The following RNFT2 variants were observed in gnomAD, a reference collection of about 807,000 sequenced individuals.
RNFT2 encodes E3 ubiquitin-protein ligase RNFT2.
A neutral mutation model predicts 53.0 loss-of-function variants in RNFT2; 36 were observed. The observed-to-expected ratio is 0.68, with a 90% CI of 0.52 to 0.90. RNFT2 has a LOEUF of 0.90. RNFT2 is among the 40% of genes least tolerant of loss of function. The pLI is 0.00. For synonymous variants in RNFT2, 260 were observed against 253.2 expected (o/e 1.03, Z -0.26); for missense variants, 514 against 585.6 (o/e 0.88, Z 1.26).
At chr12:116,750,420 C>A in intron 4 of RNFT2, 113 bp downstream of exon 4, 1 of 993,062 alleles carries the variant, frequency 1.0e-6, no homozygotes. Context: ...CAGAGACCAA[C>A]ATGGGCTTCA....
At chr12:116,748,455 G>A (rs552029550) in intron 3 of RNFT2, among the ~76,000 whole-genome samples, 23 of 152,266 alleles carry the variant, frequency 1.5e-4, no homozygotes, top group South Asian at 4.1e-4. Context: ...CAGTTCCCAC[G>A]TATTGAGAAC....
intron 7 of RNFT2, among the ~76,000 whole-genome samples, chr12:116,810,854 C>A (rs987752039): frequency 6.6e-6 from 1 of 152,160 alleles, no homozygotes; most frequent in African/African-American, 2.4e-5. Flanking sequence ...TCCATATTTC[C>A]CCCAGATGTT....
At chr12:116,765,971 G>C (rs1872895581) in intron 5 of RNFT2, among the ~76,000 whole-genome samples, 1 of 152,104 alleles carries the variant, frequency 6.6e-6, no homozygotes, top group African/African-American at 2.4e-5. Flanking sequence ...ATATGAATCT[G>C]TACCAGACTG....
Position 116,749,961 on chromosome 12 carries a change from C to T in RNFT2, c.204C>T (p.Pro68=). Residue 68 remains proline, a synonymous_variant, in exon 4 of 11, where the codon CCC becomes CCT. Transcript: ENST00000257575. ...TCTCGGGCTTATCAGGCAGCCTCCC[C>T]ACCAGCTCGTTCCCCTCCAGCCTGG... The part of the protein sequence containing the change: ...ALFSGLSGSL[P]TSSFPSSLVL... 1 of 1,564,440 alleles carries T rather than the reference C, an allele frequency of 6.4e-7. No homozygotes were observed. Among genetic ancestry groups the T allele is most frequent in the Non-Finnish European group, 8.7e-7 (1 of 1,154,340 alleles).
chr12:116,847,427 G>A (rs866272883), intron 10 of RNFT2, among the ~76,000 whole-genome samples: 4 of 152,096 alleles, frequency 2.6e-5, no homozygotes, highest in Middle Eastern at 3.2e-3. Flanking sequence ...TTACAGATGG[G>A]GGAACTGAGG....
At chr12:116,836,119 C>G (rs1876953215) in intron 9 of RNFT2, 62 bp from the exon 10 acceptor site, 1 of 1,590,500 alleles carries the variant, frequency 6.3e-7, no homozygotes. Flanking sequence ...TCTCACAGTG[C>G]TCCTGAGGGC....
At chr12:116,800,044 G>T (rs1253744302) in intron 7 of RNFT2, among the ~76,000 whole-genome samples, 2 of 152,136 alleles carry the variant, frequency 1.3e-5, no homozygotes, top group African/African-American at 4.8e-5. Flanking sequence ...CATCTCTTTT[G>T]CTTGCTCTCT....
At chr12:116,832,986 C>G (rs1197226057) in intron 7 of RNFT2, among the ~76,000 whole-genome samples, 1 of 131,898 alleles carries the variant, frequency 7.6e-6, no homozygotes, top group Non-Finnish European at 1.5e-5. Context: ...GATATCTTGG[C>G]TAACTGCAAC....
intron 10 of RNFT2, among the ~76,000 whole-genome samples, chr12:116,848,292 T>C (rs1040597287): frequency 2.0e-5 from 3 of 152,200 alleles, no homozygotes; most frequent in Non-Finnish European, 4.4e-5. Flanking sequence ...TTGTGAATAG[T>C]GCTGCAGTGA....
chr12:116,741,700 G>T (rs1241208253), intron 3 of RNFT2, among the ~76,000 whole-genome samples: 1 of 152,136 alleles, frequency 6.6e-6, no homozygotes, highest in African/African-American at 2.4e-5. Context: ...ACCCAGGCTG[G>T]AGTGCAGTGG....
intron 5 of RNFT2, 86 bp from the exon 6 acceptor site, chr12:116,766,728 T>G (rs1335935022): frequency 1.9e-6 from 2 of 1,025,640 alleles, no homozygotes; most frequent in Non-Finnish European, 2.9e-6. Context: ...GTTGACAAAG[T>G]GAAAAGCTGC....
chr12:116,784,749 C>A (rs1873857111), intron 7 of RNFT2, among the ~76,000 whole-genome samples: 1 of 152,154 alleles, frequency 6.6e-6, no homozygotes, highest in African/African-American at 2.4e-5. Flanking sequence ...ATTTTGCCTC[C>A]CCAGTGACGT....
chr12:116,852,503 T>A lies in RNFT2; in HGVS notation c.*3055T>A, dbSNP rs546139562. The A allele has an allele frequency of 5.9e-6, 9 of 1,516,744 alleles. No homozygotes were observed. In the African/African-American group the frequency reaches 1.1e-4, roughly 19 times the overall value. The allele number at this position is 1,516,744 out of a possible 1,614,324, so 94.0% of individuals were successfully genotyped here. ...CCATGATGTTACAATCCCACTTGCC[T>A]GAATAATCAAGTGGGAAGGGGAAGC... On this transcript the variant is annotated 3_prime_UTR_variant, in exon 11 of 11. Coordinates refer to ENST00000257575, the MANE Select transcript of RNFT2 (RefSeq NM_001382266.1).
At chr12:116,795,762 G>C (rs1874474535) in intron 7 of RNFT2, among the ~76,000 whole-genome samples, 1 of 152,168 alleles carries the variant, frequency 6.6e-6, no homozygotes, top group Non-Finnish European at 1.5e-5. Flanking sequence ...CAAGTCCCCT[G>C]TTCAGGGAGA....
intron 7 of RNFT2, among the ~76,000 whole-genome samples, chr12:116,784,870 T>C (rs1049069971): frequency 6.6e-6 from 1 of 152,138 alleles, no homozygotes; most frequent in Non-Finnish European, 1.5e-5. Context: ...CACTTCATTC[T>C]TTTCCCTGCC....
chr12:116,848,406 A>T (rs1190597160), intron 10 of RNFT2, among the ~76,000 whole-genome samples: 1 of 152,070 alleles, frequency 6.6e-6, no homozygotes, highest in African/African-American at 2.4e-5. Context: ...ATCGCTTTAA[A>T]CTGCAAATCA....
chr12:116,826,263 G>A (rs555125560), intron 7 of RNFT2, among the ~76,000 whole-genome samples: 7 of 152,120 alleles, frequency 4.6e-5, no homozygotes, highest in African/African-American at 7.2e-5. Context: ...TTGGCAGTGA[G>A]GAAGTCGGAA....
intron 5 of RNFT2, among the ~76,000 whole-genome samples, chr12:116,756,506 T>C (rs1057092192): frequency 6.6e-6 from 1 of 152,142 alleles, no homozygotes; most frequent in Admixed American, 6.6e-5. Context: ...ATGTCCCTTG[T>C]ATGCCATTTT....
intron 7 of RNFT2, among the ~76,000 whole-genome samples, chr12:116,798,583 A>G (rs1476489019): frequency 6.6e-6 from 1 of 151,768 alleles, no homozygotes; most frequent in Non-Finnish European, 1.5e-5. Context: ...TTTATTTTTT[A>G]TATTTTTGAG....
Sources: gnomAD v4.1 joint callset for allele counts (sites outside exome capture counted in the v4.1 genomes callset) on GRCh38, gnomAD v4.1.1 for gene constraint, MANE v1.5 for transcripts, NCBI Gene and HGNC (gene_info 2026-07-23, HGNC 2026-07-21) for gene names.